The following STRA6 variants were observed in gnomAD, a reference collection of about 807,000 sequenced individuals.
The protein encoded by STRA6 is signaling receptor and transporter of retinol STRA6.
In STRA6, 48 loss-of-function variants were observed where a neutral mutation model predicts 83.6. The observed-to-expected ratio is 0.57, with a 90% confidence interval of 0.46 to 0.73. The LOEUF is 0.73. STRA6 is among the 30% of genes least tolerant of loss of function. The probability of loss-of-function intolerance (pLI) is 0.00; values close to 1 mark genes in which losing one functional copy is unlikely to be tolerated. For missense variants in STRA6, 760 were observed against 838.8 expected (o/e 0.91, Z 1.16); for synonymous variants, 353 against 362.3 (o/e 0.97, Z 0.29).
upstream of STRA6, among the ~76,000 whole-genome samples, chr15:74,211,703 C>T (rs1268151262): frequency 6.6e-6 from 1 of 151,908 alleles, no homozygotes; most frequent in Non-Finnish European, 1.5e-5. Context: ...GGTGCTCAGC[C>T]CCTTTCTCTC....
Position 74,194,602 on chromosome 15 carries a change from G to A in STRA6, c.598-680C>T, listed in dbSNP as rs995265502. On this transcript the variant is annotated intron_variant, in intron 7 of 18. Coordinates refer to ENST00000395105, the MANE Select transcript of STRA6 (RefSeq NM_022369.4). ...ACTTGGTACCACCTGGCATCATTTT[G>A]TTTGCGTGTCATGTCTGCCCTTCTG... The A allele has an allele frequency of 7.4e-6, 4 of 538,278 alleles. No homozygotes were observed. In the East Asian group the frequency reaches 1.5e-4, roughly 20 times the overall value. The allele number at this position is 538,278 out of a possible 1,614,324, so 33.3% of individuals were successfully genotyped here. A position where few individuals can be genotyped will look rare whatever the true frequency, so the allele number is the denominator to read the frequency against.
chr15:74,194,103 C>T lies in STRA6; in HGVS notation c.598-181G>A, dbSNP rs974456. 0.35 allele frequency among the ~76,000 whole-genome samples: 53,063 copies of T among 151,906 alleles called. 10,388 individuals are homozygous for T. Among genetic ancestry groups the T allele is most frequent in the African/African-American group, 0.53 (22,056 of 41,382 alleles). On this transcript the variant is annotated intron_variant, in intron 7 of 18. Coordinates refer to ENST00000395105, the MANE Select transcript of STRA6 (RefSeq NM_022369.4). Reference sequence around the variant, plus strand: ...CGCAAACCTGCCCACTTCCCCTTCTCGAGCCCTGCAGAGATGCTCACCCCT... The same window carrying T: ...CGCAAACCTGCCCACTTCCCCTTCTTGAGCCCTGCAGAGATGCTCACCCCT...
intron 7 of STRA6, 198 bp downstream of exon 7, chr15:74,195,104 C>T: frequency 6.8e-7 from 1 of 1,477,028 alleles, no homozygotes; most frequent in Non-Finnish European, 9.0e-7. Context: ...GAGGGCTGGG[C>T]CCAGCCACCT....
chr15:74,208,431 C>T (rs1049359612), intron 1 of STRA6, among the ~76,000 whole-genome samples: 2 of 152,166 alleles, frequency 1.3e-5, no homozygotes, highest in Non-Finnish European at 2.9e-5. Context: ...GTGCTGCCCT[C>T]CTTCCTCACT....
chr15:74,209,929 A>G (rs1357888767), upstream of STRA6, among the ~76,000 whole-genome samples: 1 of 152,220 alleles, frequency 6.6e-6, no homozygotes, highest in Non-Finnish European at 1.5e-5. Context: ...AGGGAGTGCC[A>G]TCTATAAAAA....
At chr15:74,205,168 T>G (rs886160934), upstream of STRA6, among the ~76,000 whole-genome samples, 1 of 152,038 alleles carries the variant, frequency 6.6e-6, no homozygotes, top group African/African-American at 2.4e-5. Flanking sequence ...AAGGCCTCAC[T>G]GAGAAGGTGG....
upstream of STRA6, among the ~76,000 whole-genome samples, chr15:74,211,318 C>T (rs559779628): frequency 1.3e-5 from 2 of 152,000 alleles, no homozygotes; most frequent in East Asian, 3.9e-4. Flanking sequence ...TGGGACACAC[C>T]TCTCAATACT....
Position 74,189,170 on chromosome 15 carries a change from G to A in STRA6, c.1035C>T (p.Ser345=), listed in dbSNP as rs377002129. The change falls in exon 12 of 19, where the codon TCC becomes TCT. Residue 345 remains serine, a synonymous_variant. Coordinates refer to ENST00000395105, the MANE Select transcript of STRA6 (RefSeq NM_022369.4). ...YLLAGFGIVL[S]EDKQEVVELV... is the part of the protein sequence containing the mutation. ...GCTCCACCACCTCCTGCTTGTCCTCGGAGAGCACGATTCCAAAGCCGGCCA... is the reference window on the plus strand; with the variant it reads ...GCTCCACCACCTCCTGCTTGTCCTCAGAGAGCACGATTCCAAAGCCGGCCA... The A allele has an allele frequency of 3.5e-5, 57 of 1,613,954 alleles. No homozygotes were observed. Among genetic ancestry groups the A allele is most frequent in the Non-Finnish European group, 4.2e-5 (50 of 1,180,024 alleles).
upstream of STRA6, chr15:74,203,060 C>T (rs1199489638): frequency 3.0e-6 from 3 of 985,578 alleles, no homozygotes; most frequent in Admixed American, 6.1e-5. Context: ...TCTGCAGTGC[C>T]GCACACAGAC....
upstream of STRA6, among the ~76,000 whole-genome samples, chr15:74,204,109 T>C (rs1276380032): frequency 1.3e-5 from 2 of 152,198 alleles, no homozygotes; most frequent in Non-Finnish European, 2.9e-5. Flanking sequence ...GCTCTGTTGC[T>C]CTCCACCATC....
rs2072894634 is a variant in STRA6, at chr15:74,180,025, G to A, written c.*55C>T. 1 of 1,587,910 alleles carries A rather than the reference G, an allele frequency of 6.3e-7. No individual in the cohort carries two copies. The highest frequency in any genetic ancestry group is 1.1e-5 in the South Asian group (1 of 90,098). ...GGAGAGCCGGGGAGGGAGGAGGATG[G>A]TAGGCAGGAACATGCCTCAGCACAG... On this transcript the variant is annotated 3_prime_UTR_variant, in exon 19 of 19. Coordinates refer to ENST00000395105, the MANE Select transcript of STRA6 (RefSeq NM_022369.4).
Position 74,193,822 on chromosome 15 carries a change from C to G in STRA6, c.698G>C (p.Arg233Pro). The stretch of plus-strand genomic sequence containing the variant: ...TACCTTGGAGCCTGCTCCTGTCCTA[C>G]GGCTGAAGCTTCTCACCAGCTGCAC... ...YPVQLVRSFS[R>P]RTGAGSKGLQ... The change falls in exon 8 of 19, where the codon CGT (arginine) becomes CCT (proline). Residue 233 changes from arginine (R) to proline (P), a missense_variant. Coordinates refer to ENST00000395105, the MANE Select transcript of STRA6 (RefSeq NM_022369.4). 1 of 1,613,902 alleles carries G rather than the reference C, an allele frequency of 6.2e-7. No individual in the cohort carries two copies. Among genetic ancestry groups the G allele is most frequent in the Middle Eastern group, 1.7e-4 (1 of 6,060 alleles).
At chr15:74,187,537 C>T (rs2073313271) in intron 12 of STRA6, among the ~76,000 whole-genome samples, 1 of 151,902 alleles carries the variant, frequency 6.6e-6, no homozygotes, top group African/African-American at 2.4e-5. Flanking sequence ...TCAGTCTGAG[C>T]TCTCTGTGAG....
At chr15:74,192,294 G>A (rs1485537552) in intron 8 of STRA6, among the ~76,000 whole-genome samples, 3 of 152,050 alleles carry the variant, frequency 2.0e-5, no homozygotes, top group Non-Finnish European at 2.9e-5. Flanking sequence ...GTGTCGTCCC[G>A]GGGGGCCGCT....
At chr15:74,183,824 A>C in intron 14 of STRA6, 32 bp downstream of exon 14, 1 of 1,613,740 alleles carries the variant, frequency 6.2e-7, no homozygotes, top group Non-Finnish European at 8.5e-7. Context: ...GGCCCAGGCC[A>C]AGGCTGGGTG....
intron 14 of STRA6, 97 bp from the exon 15 acceptor site, chr15:74,182,557 G>A (rs894167772): frequency 1.9e-6 from 2 of 1,029,204 alleles, no homozygotes; most frequent in East Asian, 2.6e-5. Context: ...GGATTGGGCA[G>A]GCCTGGTTTT....
rs371899762 is a variant in STRA6, at chr15:74,180,772, G to C, written c.1840+10C>G. ...GGCTCTATTCCCCCATTCCCAGTGG[G>C]AGGGCGCACCTTCGTCTTCCTCCCC... On this transcript the variant is annotated intron_variant, in intron 18 of 18. Transcript: ENST00000395105. The C allele has an allele frequency of 5.0e-6, 8 of 1,601,150 alleles. No homozygotes were observed. The highest frequency in any genetic ancestry group is 6.0e-6 in the Non-Finnish European group (7 of 1,169,944).
Position 74,196,113 on chromosome 15 carries a change from C to T in STRA6, c.301G>A (p.Ala101Thr). 6.2e-7 allele frequency: 1 copy of T among 1,613,980 alleles called. No individual in the cohort carries two copies. The highest frequency in any genetic ancestry group is 8.5e-7 in the Non-Finnish European group (1 of 1,180,004). The stretch of plus-strand genomic sequence containing the variant: ...ACCATGAAAACAGCAGCAGGCACTG[C>T]CCGGGGCCTGTCCCCAGCCAAGAAA... Reference protein sequence around the residue: ...VDFLAGDRPRAVPAAVFMVLL... With the variant: ...VDFLAGDRPRTVPAAVFMVLL... The change falls in exon 5 of 19, where the codon GCA becomes ACA. Residue 101 changes from alanine (A) to threonine (T), a missense_variant. Physicochemically the swap from Ala to Thr is moderately conservative, Grantham distance 58. Transcript: ENST00000395105.
rs775432080 is a variant in STRA6, at chr15:74,193,925, GGACA to G, written c.598-7_598-4del. On this transcript the variant is annotated splice_region_variant and splice_polypyrimidine_tract_variant and intron_variant, in intron 7 of 18. Transcript: ENST00000395105. The stretch of plus-strand genomic sequence containing the variant: ...AGCAGGGAGTAGTACTTGTAGATCT[GGACA>G]GACAAACACCCAGACAGACTACTTT... 1.7e-5 allele frequency: 27 copies of G among 1,612,688 alleles called. No homozygotes were observed. Among genetic ancestry groups the G allele is most frequent in the African/African-American group, 5.3e-5 (4 of 74,806 alleles).
Sources: gnomAD v4.1 joint callset for allele counts (sites outside exome capture counted in the v4.1 genomes callset) on GRCh38, gnomAD v4.1.1 for gene constraint, MANE v1.5 for transcripts, NCBI Gene and HGNC (gene_info 2026-07-23, HGNC 2026-07-21) for gene names.